CAMTA1: variants seen among roughly 807,000 people sequenced by gnomAD.
The protein encoded by CAMTA1 is calmodulin-binding transcription activator 1.
A neutral mutation model predicts 170.9 loss-of-function variants in CAMTA1; 27 were observed. The observed-to-expected ratio is 0.16, with a 90% CI of 0.12 to 0.22. The LOEUF (loss-of-function observed/expected upper bound fraction) is 0.22, where lower values mean the gene tolerates loss of function less well. Among genes scored for constraint, CAMTA1 ranks in the 10% least tolerant of loss-of-function variants. The pLI, the probability that CAMTA1 is intolerant of heterozygous loss-of-function variation, is 1.00. For synonymous variants in CAMTA1, 833 were observed against 891.5 expected, an observed-to-expected ratio of 0.93 and a Z score of 1.17; for missense variants, 1,619 against 2,217.2, an observed-to-expected ratio of 0.73 and a Z score of 5.42.
chr1:7,378,798 C>T (rs558393296), intron 5 of CAMTA1, among the ~76,000 whole-genome samples: 18 of 152,242 alleles, frequency 1.2e-4, no homozygotes, highest in South Asian at 8.3e-4. Flanking sequence ...AGTCAGAGGC[C>T]GCACTAAACT....
chr1:7,678,127 C>T (rs1415806264), intron 11 of CAMTA1, among the ~76,000 whole-genome samples: 11 of 152,280 alleles, frequency 7.2e-5, no homozygotes, highest in African/African-American at 2.6e-4. Context: ...CCGCGGGCTC[C>T]TGGAAGCAAA....
At chr1:7,524,433 G>A (rs145873209) in intron 6 of CAMTA1, among the ~76,000 whole-genome samples, 1 of 152,248 alleles carries the variant, frequency 6.6e-6, no homozygotes, top group East Asian at 1.9e-4. Flanking sequence ...TGTACAGACA[G>A]TTGTATTTCT....
chr1:7,506,608 A>G (rs768236169), intron 6 of CAMTA1, among the ~76,000 whole-genome samples: 16 of 151,788 alleles, frequency 1.1e-4, no homozygotes, highest in Non-Finnish European at 2.4e-4. Flanking sequence ...CTCAAAAGTC[A>G]CACTCTCATA....
In CAMTA1 at chr1:7,641,395, G is replaced by A. The variant is rs2095759626; in HGVS notation, c.664+842G>A. On this transcript the variant is annotated intron_variant, in intron 7 of 22. Transcript: ENST00000303635. The surrounding 1 kb of genome is among the most constrained non-coding windows in gnomAD (Gnocchi z 4.5). Reference sequence around the variant, plus strand: ...GGGTGGGTCAGTGGCTCACTCAGAAGCAGAACTGTCCCTGGAGCTGGGCTG... The same window carrying A: ...GGGTGGGTCAGTGGCTCACTCAGAAACAGAACTGTCCCTGGAGCTGGGCTG... 6.6e-6 allele frequency among the ~76,000 whole-genome samples: 1 copy of A among 152,206 alleles called. No individual in the cohort carries two copies.
At chr1:7,061,617 A>G (rs977868163) in intron 3 of CAMTA1, among the ~76,000 whole-genome samples, 1 of 151,418 alleles carries the variant, frequency 6.6e-6, no homozygotes, top group Non-Finnish European at 1.5e-5. Context: ...AGGGAGGAAC[A>G]GGCAGATATT....
chr1:7,694,791 C>T (rs2096357080), intron 11 of CAMTA1: 1 of 152,418 alleles, frequency 6.6e-6, no homozygotes, highest in East Asian at 1.9e-4. Flanking sequence ...TCTTCTCCAA[C>T]AAGACCTCTC....
At chr1:7,272,712 A>AAAAAAAAAAAAAAAAAAAAAAAAG (rs1670017608) in intron 5 of CAMTA1, among the ~76,000 whole-genome samples, 1 of 109,956 alleles carries the variant, frequency 9.1e-6, no homozygotes, top group Non-Finnish European at 2.0e-5. Flanking sequence ...AAAAAAAAAA[A>AAAAAAAAAAAAAAAAAAAAAAAAG]AAAAGAAAAG....
At chr1:6,789,702 C>T (rs912535730) in intron 1 of CAMTA1, among the ~76,000 whole-genome samples, 5 of 151,990 alleles carry the variant, frequency 3.3e-5, no homozygotes, top group African/African-American at 7.3e-5. Context: ...AGACCTTTAC[C>T]GAGCTTCTGT....
intron 6 of CAMTA1, among the ~76,000 whole-genome samples, chr1:7,587,143 G>T (rs1021874299): frequency 1.3e-5 from 2 of 151,980 alleles, no homozygotes; most frequent in Non-Finnish European, 2.9e-5. Context: ...TCCCATCCCA[G>T]ACCAGGTGAG....
chr1:7,643,265 G>A (rs1422661600), intron 7 of CAMTA1, among the ~76,000 whole-genome samples: 1 of 152,208 alleles, frequency 6.6e-6, no homozygotes, highest in African/African-American at 2.4e-5. Flanking sequence ...ACTGGAAAAT[G>A]AGGGCCCCTT....
At chr1:6,923,225 G>T (rs971314153) in intron 3 of CAMTA1, among the ~76,000 whole-genome samples, 1 of 152,106 alleles carries the variant, frequency 6.6e-6, no homozygotes, top group African/African-American at 2.4e-5. Context: ...GGTGCTGTCC[G>T]ACCAGTGATG....
chr1:7,376,618 G>A (rs2086862031), intron 5 of CAMTA1, among the ~76,000 whole-genome samples: 1 of 152,236 alleles, frequency 6.6e-6, no homozygotes, highest in African/African-American at 2.4e-5. Flanking sequence ...GGATGATACC[G>A]CCCTCCTAAG....
At chr1:6,897,496 A>G (rs1403493828) in intron 3 of CAMTA1, among the ~76,000 whole-genome samples, 1 of 30,614 alleles carries the variant, frequency 3.3e-5, no homozygotes, top group African/African-American at 1.3e-4. Context: ...CAGATTGTAT[A>G]TCGCTTTTCT....
At position 7,751,408 on chromosome 1, in the gene CAMTA1, C is replaced by T. The variant is rs181198937; in HGVS notation, c.4883+16C>T. 187 of 1,562,474 alleles carry T rather than the reference C, an allele frequency of 1.2e-4. No individual in the cohort carries two copies. In the African/African-American group the frequency reaches 2.5e-3, roughly 21 times the overall value. On this transcript the variant is annotated intron_variant, in intron 20 of 22. Coordinates refer to ENST00000303635, the MANE Select transcript of CAMTA1 (RefSeq NM_015215.4). Reference sequence around the variant, plus strand: ...AGAAACTCAGGTGGGTGGAGAAGAGCTCATGGAGGTAAAGCTCCCTAGGGA... The same window carrying T: ...AGAAACTCAGGTGGGTGGAGAAGAGTTCATGGAGGTAAAGCTCCCTAGGGA...
chr1:7,441,109 C>G (rs1312667371), intron 5 of CAMTA1: 1 of 152,226 alleles, frequency 6.6e-6, no homozygotes, highest in East Asian at 1.9e-4. Context: ...TCCTGAGCTT[C>G]TTCACCAGCT....
At chr1:6,812,133 G>A (rs754721070) in intron 1 of CAMTA1, among the ~76,000 whole-genome samples, 1 of 152,188 alleles carries the variant, frequency 6.6e-6, no homozygotes, top group Non-Finnish European at 1.5e-5. Context: ...TCAGAGCATC[G>A]TACTTACTTT....
chr1:7,203,612 T>C (rs1213294147), intron 4 of CAMTA1, among the ~76,000 whole-genome samples: 8 of 151,910 alleles, frequency 5.3e-5, no homozygotes, highest in South Asian at 4.1e-4. Context: ...TATAGGAATT[T>C]GTTCATCTAA....
At chr1:7,277,456 G>GGTGT (rs57970990) in intron 5 of CAMTA1, among the ~76,000 whole-genome samples, 20,803 of 135,032 alleles carry the variant, frequency 0.15, 1,673 homozygotes, top group African/African-American at 0.23. Flanking sequence ...TCCAAGCAAT[G>GGTGT]GTGTGTGTGT....
At chr1:7,029,850 A>G (rs1702556243) in intron 3 of CAMTA1, among the ~76,000 whole-genome samples, 1 of 152,210 alleles carries the variant, frequency 6.6e-6, no homozygotes, top group African/African-American at 2.4e-5. Flanking sequence ...TAAATAACAT[A>G]TTGTTTAATG....
Sources: allele counts gnomAD v4.1 joint callset (sites outside exome capture counted in the v4.1 genomes callset), GRCh38; gene constraint gnomAD v4.1.1; non-coding constraint Gnocchi (gnomAD v3.1); transcripts MANE v1.5; gene names NCBI Gene and HGNC (gene_info 2026-07-23, HGNC 2026-07-21).